SGCG: variants seen among roughly 807,000 people sequenced by gnomAD.
SGCG encodes the protein sarcoglycan gamma.
In SGCG, 26 loss-of-function variants were observed where a neutral mutation model predicts 29.3. That is an observed-to-expected ratio of 0.89 (90% confidence interval 0.65 to 1.23). The LOEUF (loss-of-function observed/expected upper bound fraction) is 1.23. Ranked by LOEUF, SGCG falls within the 50% of genes most tolerant of loss-of-function variation. The pLI is 0.00. For synonymous variants in SGCG, 145 were observed against 129.7 expected, an observed-to-expected ratio of 1.12 and a Z score of -0.80; for missense variants, 353 against 356.0, an observed-to-expected ratio of 0.99 and a Z score of 0.07.
rs1045031542 is a variant in SGCG at position 23,324,633 on chromosome 13, G to A, written c.*92G>A. 2.3e-5 allele frequency: 27 copies of A among 1,176,104 alleles called. No homozygotes were observed. The highest frequency in any genetic ancestry group is 1.6e-4 in the African/African-American group (11 of 66,716). 72.9% of individuals were successfully genotyped at this position (1,176,104 alleles called of 1,614,324 possible). A position where few individuals can be genotyped will look rare whatever the true frequency, so the allele number is the denominator to read the frequency against. On this transcript the variant is annotated 3_prime_UTR_variant, in exon 8 of 8. Transcript: ENST00000218867. ...GCACATCGTGAAAGACTGAGGCAGC[G>A]TGGATGGGAAGTAAACGCTTCCAGA...
intron 1 of SGCG, among the ~76,000 whole-genome samples, chr13:23,181,367 G>A (rs1274573159): frequency 6.6e-6 from 1 of 152,028 alleles, no homozygotes; most frequent in Non-Finnish European, 1.5e-5. Context: ...GTATTATTGG[G>A]CATTGAATTG....
intron 4 of SGCG, chr13:23,268,634 T>C (rs1880736280): frequency 6.6e-6 from 1 of 152,198 alleles, no homozygotes; most frequent in African/African-American, 2.4e-5. Flanking sequence ...GGTGGGTGGG[T>C]TGACGTGTGT....
chr13:23,302,129 C>T (rs1196846978), intron 6 of SGCG, among the ~76,000 whole-genome samples: 1 of 151,990 alleles, frequency 6.6e-6, no homozygotes, highest in Non-Finnish European at 1.5e-5. Flanking sequence ...CTTATGGAGT[C>T]AGAAAAGTTT....
At chr13:23,248,951 A>C (rs139700620) in intron 3 of SGCG, among the ~76,000 whole-genome samples, 9,224 of 146,504 alleles carry the variant, frequency 0.063, 380 homozygotes, top group South Asian at 0.18. Context: ...AGATCGTGCC[A>C]GTGCACTCCA....
At chr13:23,208,419 C>T (rs567712339) in intron 2 of SGCG, among the ~76,000 whole-genome samples, 51 of 151,980 alleles carry the variant, frequency 3.4e-4, no homozygotes, top group Non-Finnish European at 5.4e-4. Context: ...TAACATTAGA[C>T]GAGAAAGCCA....
intron 2 of SGCG, among the ~76,000 whole-genome samples, chr13:23,223,200 C>G (rs916692333): frequency 6.7e-6 from 1 of 149,094 alleles, no homozygotes; most frequent in South Asian, 2.1e-4. Flanking sequence ...ATGGCATGAA[C>G]CTGGAAGGCG....
At chr13:23,234,866 A>T (rs921801596) in intron 3 of SGCG, among the ~76,000 whole-genome samples, 154 bp downstream of exon 3, 5 of 152,168 alleles carry the variant, frequency 3.3e-5, no homozygotes, top group African/African-American at 1.2e-4. Flanking sequence ...CTATTGCAGA[A>T]TTTATCTCTG....
chr13:23,285,160 T>C (rs1039493226), intron 5 of SGCG, among the ~76,000 whole-genome samples: 1 of 152,208 alleles, frequency 6.6e-6, no homozygotes, highest in African/African-American at 2.4e-5. Flanking sequence ...CGCTGCTCTC[T>C]TCAGAGCTGG....
chr13:23,299,151 G>A (rs1882019950), intron 6 of SGCG, among the ~76,000 whole-genome samples: 1 of 151,872 alleles, frequency 6.6e-6, no homozygotes, highest in Non-Finnish European at 1.5e-5. Flanking sequence ...TAAAAAGGTA[G>A]CCACTCATAA....
At chr13:23,281,921 ATGC>A (rs1881320589) in intron 5 of SGCG, among the ~76,000 whole-genome samples, 1 of 152,188 alleles carries the variant, frequency 6.6e-6, no homozygotes. Context: ...GCTCTAGAAC[ATGC>A]TTTCAAGTTA....
intron 7 of SGCG, 50 bp from the exon 8 acceptor site, chr13:23,324,318 A>C (rs749372523): frequency 6.4e-7 from 1 of 1,569,146 alleles, no homozygotes; most frequent in Non-Finnish European, 8.8e-7. Flanking sequence ...TTTGCTGCTG[A>C]CCAGGGTGGC....
chr13:23,219,785 T>G (rs1046613516), intron 2 of SGCG, among the ~76,000 whole-genome samples: 10 of 151,366 alleles, frequency 6.6e-5, no homozygotes, highest in Non-Finnish European at 1.5e-4. Context: ...TGGCTCTGTC[T>G]GATAACTAAC....
At chr13:23,259,377 T>C (rs1240024532) in intron 4 of SGCG, among the ~76,000 whole-genome samples, 1 of 152,206 alleles carries the variant, frequency 6.6e-6, no homozygotes, top group Non-Finnish European at 1.5e-5. Flanking sequence ...TTCTGTGGGA[T>C]CGGTGGAGAT....
intron 6 of SGCG, among the ~76,000 whole-genome samples, chr13:23,319,098 G>A (rs1368756077): frequency 6.6e-6 from 1 of 152,176 alleles, no homozygotes; most frequent in East Asian, 1.9e-4. Context: ...AGGAGTTCGA[G>A]ACCAGCCTGG....
At chr13:23,310,378 G>A (rs966620725) in intron 6 of SGCG, among the ~76,000 whole-genome samples, 37 of 152,152 alleles carry the variant, frequency 2.4e-4, no homozygotes, top group Admixed American at 4.6e-4. Context: ...GAGCCACCGC[G>A]CCGGGCCTGA....
At chr13:23,186,523 A>G (rs1490927815) in intron 1 of SGCG, among the ~76,000 whole-genome samples, 3 of 152,152 alleles carry the variant, frequency 2.0e-5, no homozygotes, top group Non-Finnish European at 4.4e-5. Context: ...CATACTTCCC[A>G]GCTGGCAAAC....
At chr13:23,299,402 G>T (rs1246941681) in intron 6 of SGCG, among the ~76,000 whole-genome samples, 1 of 89,148 alleles carries the variant, frequency 1.1e-5, no homozygotes, top group East Asian at 2.8e-4. Flanking sequence ...GAATATCTTA[G>T]TTGGCATATA....
chr13:23,280,198 A>C (rs56924512), intron 5 of SGCG, among the ~76,000 whole-genome samples: 544 of 152,336 alleles, frequency 3.6e-3, no homozygotes, highest in African/African-American at 0.012. Context: ...AAAGTTGAAT[A>C]GGGGTCTCAT....
In SGCG at chr13:23,324,871, G is replaced by A. The variant is rs927982067; in HGVS notation, c.*330G>A. On this transcript the variant is annotated 3_prime_UTR_variant, in exon 8 of 8. Transcript: ENST00000218867. ...GGCACACACTGAGTGTTGAGTTGCC[G>A]TGTGGAGTTAATGTATGACGCTCCA... 4.3e-5 allele frequency: 16 copies of A among 376,026 alleles called. No homozygotes were observed. Among genetic ancestry groups the A allele is most frequent in the Non-Finnish European group, 7.2e-5 (14 of 194,248 alleles). The allele number at this position is 376,026 out of a possible 1,614,324, so 23.3% of individuals were successfully genotyped here.
Sources: gnomAD v4.1 joint callset for allele counts (sites outside exome capture counted in the v4.1 genomes callset) on GRCh38, gnomAD v4.1.1 for gene constraint, MANE v1.5 for transcripts, NCBI Gene and HGNC (gene_info 2026-07-23, HGNC 2026-07-21) for gene names.